Variants in ADAM10 observed in about 807,000 individuals in gnomAD.
The protein encoded by ADAM10 is ADAM metallopeptidase domain 10, also known as disintegrin and metalloproteinase domain-containing protein 10.
ADAM10 carries 17 observed loss-of-function variants against 90.1 expected under a neutral mutation model. The observed-to-expected ratio is 0.19, with a 90% CI of 0.13 to 0.28. The LOEUF is 0.28. Ranked by LOEUF, ADAM10 falls within the 10% of genes least tolerant of loss-of-function variation. The probability of loss-of-function intolerance (pLI) is 1.00; values close to 1 mark genes in which losing one functional copy is unlikely to be tolerated. For synonymous variants in ADAM10, 310 were observed against 298.6 expected, an observed-to-expected ratio of 1.04 and a Z score of -0.40; for missense variants, 610 against 914.3, an observed-to-expected ratio of 0.67 and a Z score of 4.29.
At position 58,597,401 on chromosome 15, in the gene ADAM10, C is replaced by G. The variant is rs1894985676; in HGVS notation, c.*146G>C. ...GGCTTTAAAATTTAAGTAATTCCAC[C>G]TGGTCTGAGGATATGATCTCTTGCC... is the stretch of plus-strand genomic sequence containing the variant. On this transcript the variant is annotated 3_prime_UTR_variant, in exon 16 of 16. Coordinates refer to ENST00000260408, the MANE Select transcript of ADAM10 (RefSeq NM_001110.4). The G allele has an allele frequency of 6.4e-7, 1 of 1,552,620 alleles. No homozygotes were observed. The highest frequency in any genetic ancestry group is 1.4e-5 in the African/African-American group (1 of 73,082).
At chr15:58,705,301 A>T (rs1440150702) in intron 2 of ADAM10, among the ~76,000 whole-genome samples, 2 of 152,194 alleles carry the variant, frequency 1.3e-5, no homozygotes, top group Non-Finnish European at 2.9e-5. Flanking sequence ...CTACCCTCAG[A>T]TTTAACCACT....
At chr15:58,653,097 C>G (rs1475259509) in intron 5 of ADAM10, among the ~76,000 whole-genome samples, 1 of 152,070 alleles carries the variant, frequency 6.6e-6, no homozygotes, top group African/African-American at 2.4e-5. Context: ...ATTTGTTTAT[C>G]AGTTCTAATA....
intron 2 of ADAM10, among the ~76,000 whole-genome samples, chr15:58,698,662 A>G (rs1898048521): frequency 6.6e-6 from 1 of 152,114 alleles, no homozygotes; most frequent in Non-Finnish European, 1.5e-5. Flanking sequence ...ATGAAATACA[A>G]AAATTATTTC....
intron 8 of ADAM10, 65 bp downstream of exon 8, chr15:58,640,712 C>CA: frequency 6.7e-7 from 1 of 1,482,832 alleles, no homozygotes; most frequent in South Asian, 1.2e-5. Context: ...GAAAATTCAA[C>CA]ATTCTCTGAA....
In ADAM10 at chr15:58,679,104, G is replaced by C. The variant is rs1306351154; in HGVS notation, c.484+20C>G. The C allele has an allele frequency of 1.2e-6, 2 of 1,609,508 alleles. No individual in the cohort carries two copies. Among genetic ancestry groups the C allele is most frequent in the South Asian group, 1.1e-5 (1 of 90,696 alleles). On this transcript the variant is annotated intron_variant, in intron 4 of 15. Coordinates refer to ENST00000260408, the MANE Select transcript of ADAM10 (RefSeq NM_001110.4). ...ATATGCCTTTTGAAAAAGGCTACTT[G>C]ATAAAACTTAAGTACTTACTAATAT...
rs531515326 is a variant in ADAM10, at chr15:58,599,582, G to A, written c.2152+16C>T. 5 of 1,612,004 alleles carry A rather than the reference G, an allele frequency of 3.1e-6. No individual in the cohort carries two copies. The South Asian group carries it at 5.5e-5, about 18-fold the overall frequency. On this transcript the variant is annotated intron_variant, in intron 15 of 15. Transcript: ENST00000260408. ...TCTGAGTTACATAAATATGTATCTT[G>A]CTCAAATATTCTTACCTGGAAGTGG...
chr15:58,644,234 GT>G (rs1213841759), intron 6 of ADAM10, among the ~76,000 whole-genome samples: 42 of 133,566 alleles, frequency 3.1e-4, no homozygotes, highest in African/African-American at 6.6e-4. Context: ...TTCTTTTTTT[GT>G]TTTTTTTTTT....
chr15:58,706,230 T>C (rs1432426281), intron 2 of ADAM10, among the ~76,000 whole-genome samples: 18 of 152,092 alleles, frequency 1.2e-4, no homozygotes, highest in African/African-American at 2.9e-4. Flanking sequence ...GAGAGGAAAT[T>C]TGAGGGCAAA....
chr15:58,660,743 T>C (rs540561019), intron 5 of ADAM10, among the ~76,000 whole-genome samples: 38 of 152,322 alleles, frequency 2.5e-4, no homozygotes, highest in Non-Finnish European at 4.9e-4. Flanking sequence ...TTAAATTATT[T>C]CCTCTTCTTT....
At position 58,729,843 on chromosome 15, in the gene ADAM10, T is replaced by G. The variant is rs1899165676; in HGVS notation, c.56-12116A>C. On this transcript the variant is annotated intron_variant, in intron 1 of 15. Transcript: ENST00000260408. ...CAGGAGTGGTGGCACACCCCTGTAA[T>G]CCCAGCTACTTGGAAGGCTGAGGCA... Among the ~76,000 whole-genome samples the G allele has an allele frequency of 2.6e-5, 4 of 151,704 alleles. 1 individual carries two copies. The South Asian group carries it at 8.3e-4, about 32-fold the overall frequency.
intron 14 of ADAM10, 96 bp downstream of exon 14, chr15:58,610,201 G>A (rs1895401780): frequency 1.0e-6 from 1 of 953,392 alleles, no homozygotes; most frequent in African/African-American, 1.6e-5. Context: ...AATATAAATA[G>A]TTAAGTTGTT....
chr15:58,709,341 T>C (rs1456398152), intron 2 of ADAM10, among the ~76,000 whole-genome samples: 1 of 152,158 alleles, frequency 6.6e-6, no homozygotes, highest in African/African-American at 2.4e-5. Flanking sequence ...GCATGAAATA[T>C]AACATAATTA....
chr15:58,687,685 C>G (rs1327128673), intron 2 of ADAM10, among the ~76,000 whole-genome samples: 1 of 150,950 alleles, frequency 6.6e-6, no homozygotes, highest in Non-Finnish European at 1.5e-5. Context: ...AACAGTTAAA[C>G]TGTGGTATAT....
In ADAM10 at chr15:58,683,276, C is replaced by CT. The variant is rs202114968; in HGVS notation, c.207-963dup. Among the ~76,000 whole-genome samples, 244 of 151,156 alleles carry CT rather than the reference C, an allele frequency of 1.6e-3. 3 individuals carry two copies. Among genetic ancestry groups the CT allele is most frequent in the Middle Eastern group, 3.4e-3 (1 of 294 alleles). On this transcript the variant is annotated intron_variant, in intron 2 of 15. Transcript: ENST00000260408. ...TGACAATTACAACAAAGTATTACGT[C>CT]TTTTTTTTTACATATACATGTTTTG...
chr15:58,731,712 C>A (rs1408960295), intron 1 of ADAM10, among the ~76,000 whole-genome samples: 1 of 152,126 alleles, frequency 6.6e-6, no homozygotes, highest in Non-Finnish European at 1.5e-5. Flanking sequence ...GAGGTGACCC[C>A]ACCCAAGGTA....
intron 2 of ADAM10, among the ~76,000 whole-genome samples, chr15:58,703,388 T>G (rs1179517180): frequency 6.7e-6 from 1 of 150,172 alleles, no homozygotes; most frequent in Non-Finnish European, 1.5e-5. Flanking sequence ...GGAACTCAGA[T>G]AGTTGCACAT....
chr15:58,611,463 A>T (rs1373581378), intron 12 of ADAM10: 1 of 326,906 alleles, frequency 3.1e-6, no homozygotes, highest in Non-Finnish European at 5.6e-6. Flanking sequence ...ATATTCAGCC[A>T]CAAAAGCTTT....
intron 1 of ADAM10, among the ~76,000 whole-genome samples, chr15:58,746,906 T>C (rs988784002): frequency 4.5e-4 from 69 of 152,364 alleles, no homozygotes; most frequent in African/African-American, 1.6e-3. Context: ...TGCTGGTAGA[T>C]TCCGACTCAG....
intron 14 of ADAM10, among the ~76,000 whole-genome samples, chr15:58,604,324 G>A (rs1192495691): frequency 6.6e-6 from 1 of 152,136 alleles, no homozygotes; most frequent in African/African-American, 2.4e-5. Flanking sequence ...TTACGCCACT[G>A]CACTCCAGCC....
Sources: allele counts gnomAD v4.1 joint callset (sites outside exome capture counted in the v4.1 genomes callset), GRCh38; gene constraint gnomAD v4.1.1; transcripts MANE v1.5; gene names NCBI Gene and HGNC (gene_info 2026-07-23, HGNC 2026-07-21).